GLIS3: variants seen among roughly 807,000 people sequenced by gnomAD.
GLIS3 encodes the protein zinc finger protein GLIS3.
A neutral mutation model predicts 78.6 loss-of-function variants in GLIS3; 53 were observed. The ratio of observed to expected loss-of-function variants is 0.67; its 90% CI spans 0.54 to 0.85. The LOEUF (loss-of-function observed/expected upper bound fraction) is 0.85, where lower values mean the gene tolerates loss of function less well. Ranked by LOEUF, GLIS3 falls within the 40% of genes least tolerant of loss-of-function variation. GLIS3 has a pLI of 0.00. For synonymous variants in GLIS3, 684 were observed against 509.9 expected, an observed-to-expected ratio of 1.34 and a Z score of -4.60; for missense variants, 1,703 against 1,231.1, an observed-to-expected ratio of 1.38 and a Z score of -5.74.
intron 4 of GLIS3, among the ~76,000 whole-genome samples, chr9:4,048,595 T>A (rs1309062198): frequency 6.6e-6 from 1 of 152,172 alleles, no homozygotes; most frequent in Non-Finnish European, 1.5e-5. Flanking sequence ...GCCAATGACC[T>A]AATGAAGACA....
chr9:4,263,580 G>C (rs1037946754), intron 2 of GLIS3, among the ~76,000 whole-genome samples: 3 of 152,020 alleles, frequency 2.0e-5, no homozygotes, highest in East Asian at 1.9e-4. Context: ...TCATTCTACA[G>C]ATGTTTTAAA....
the GLIS3 span, among the ~76,000 whole-genome samples, chr9:4,426,843 C>G: frequency 6.6e-6 from 1 of 152,158 alleles, no homozygotes; most frequent in Admixed American, 6.5e-5. Context: ...ATCAAATGAC[C>G]TGATCCAAGT....
intron 3 of GLIS3, 144 bp downstream of exon 3, chr9:4,125,590 C>A: frequency 1.4e-6 from 1 of 729,070 alleles, no homozygotes; most frequent in South Asian, 1.5e-5. Context: ...TATTCCCCTA[C>A]AAACCTCAAA....
chr9:4,447,986 A>G, the GLIS3 span, among the ~76,000 whole-genome samples: 1 of 152,170 alleles, frequency 6.6e-6, no homozygotes, highest in Non-Finnish European at 1.5e-5. Context: ...TCTTGGGTTT[A>G]AGCAGTCCTC....
intron 2 of GLIS3, among the ~76,000 whole-genome samples, chr9:4,127,959 G>A (rs1418681954): frequency 6.6e-6 from 1 of 152,086 alleles, no homozygotes; most frequent in Admixed American, 6.6e-5. Flanking sequence ...AAACTAAAAT[G>A]GCACATATTG....
intron 4 of GLIS3, among the ~76,000 whole-genome samples, chr9:4,002,158 G>C (rs1188370760): frequency 2.0e-5 from 3 of 152,208 alleles, no homozygotes; most frequent in African/African-American, 7.2e-5. Flanking sequence ...AGATCATTGA[G>C]TAGTAGGAGA....
At chr9:4,307,186 A>AGAG (rs1206762031) in intron 4 of GLIS3, among the ~76,000 whole-genome samples, 1 of 152,034 alleles carries the variant, frequency 6.6e-6, no homozygotes. Flanking sequence ...GGTGGAGGTG[A>AGAG]GAGGAGGACG....
intron 4 of GLIS3, among the ~76,000 whole-genome samples, chr9:4,007,767 T>C (rs571763340): frequency 9.2e-5 from 14 of 151,940 alleles, no homozygotes; most frequent in Non-Finnish European, 1.8e-4. Flanking sequence ...CTGGAGCACA[T>C]AAATCAAGAA....
intron 2 of GLIS3, among the ~76,000 whole-genome samples, chr9:4,159,345 C>G (rs1835294934): frequency 6.6e-6 from 1 of 152,188 alleles, no homozygotes; most frequent in Non-Finnish European, 1.5e-5. Context: ...TGATCATGTT[C>G]TACCCTTTCT....
At chr9:4,194,566 T>C (rs1425109860) in intron 2 of GLIS3, among the ~76,000 whole-genome samples, 1 of 152,124 alleles carries the variant, frequency 6.6e-6, no homozygotes, top group Non-Finnish European at 1.5e-5. Context: ...AAAGAGTGCA[T>C]AAAGATGAAC....
rs527973762 is a variant in GLIS3 at position 4,058,704 on chromosome 9, A to G, written c.1710+59064T>C. 2.0e-5 allele frequency among the ~76,000 whole-genome samples: 3 copies of G among 152,252 alleles called. No individual in the cohort carries two copies. The South Asian group carries it at 6.2e-4, about 32-fold the overall frequency. On this transcript the variant is annotated intron_variant, in intron 4 of 10. Transcript: ENST00000381971. ...AATATTTTGTGTAAAAGAACCATAG[A>G]GTGCGGTAGCTCAAGCCTGTAATCC... is the stretch of plus-strand genomic sequence containing the variant.
chr9:4,471,594 C>G, the GLIS3 span, among the ~76,000 whole-genome samples: 2 of 152,238 alleles, frequency 1.3e-5, no homozygotes. Context: ...ACACCCTATA[C>G]AAAAATTAAT....
chr9:4,433,937 A>G, the GLIS3 span, among the ~76,000 whole-genome samples: 1 of 152,242 alleles, frequency 6.6e-6, no homozygotes, highest in East Asian at 1.9e-4. Context: ...TCTACTAAAA[A>G]TACAAAAAAT....
Position 4,317,134 on chromosome 9 carries a change from A to G in GLIS3, n.265-6606T>C, listed in dbSNP as rs74932535. On this transcript the variant is annotated intron_variant and non_coding_transcript_variant, in intron 2 of 4. Coordinates refer to the GLIS3 transcript ENST00000471664. ...ATTGGCTAAGAAAAAGAAAGAATGT[A>G]TTCAGTGCCTTTCGACTGCAAGGTT... Among the ~76,000 whole-genome samples, 148 of 152,338 alleles carry G rather than the reference A, an allele frequency of 9.7e-4. 1 individual carries two copies. In the East Asian group the frequency reaches 0.023, roughly 23 times the overall value.
At chr9:4,017,503 A>C (rs1386357371) in intron 4 of GLIS3, among the ~76,000 whole-genome samples, 2 of 152,208 alleles carry the variant, frequency 1.3e-5, no homozygotes, top group African/African-American at 4.8e-5. Context: ...TGAGGGATAG[A>C]AACCAGGCAA....
intron 2 of GLIS3, among the ~76,000 whole-genome samples, chr9:4,216,390 G>T (rs966182309): frequency 6.6e-5 from 10 of 150,844 alleles, no homozygotes; most frequent in Admixed American, 6.6e-5. Context: ...GGAGAATGGC[G>T]TGAGCTTGCA....
upstream of GLIS3, among the ~76,000 whole-genome samples, chr9:4,349,387 TAATA>T (rs773518811): frequency 1.2e-4 from 18 of 152,246 alleles, no homozygotes; most frequent in African/African-American, 3.9e-4. Context: ...TATATTTACT[TAATA>T]ATTAACTGGA....
chr9:3,845,348 A>C lies in GLIS3; in HGVS notation c.2473+10661T>G, dbSNP rs192844215. Among the ~76,000 whole-genome samples, 8 of 152,306 alleles carry C rather than the reference A, an allele frequency of 5.3e-5. No homozygotes were observed. The South Asian group carries it at 8.3e-4, about 16-fold the overall frequency. ...GTGCAGAACGTGAGGCCATTTTTAT[A>C]ACAGGGCATATGGGCATATACATAG... On this transcript the variant is annotated intron_variant, in intron 9 of 10. Transcript: ENST00000381971.
intron 4 of GLIS3, among the ~76,000 whole-genome samples, chr9:4,067,972 T>C (rs556709575): frequency 6.6e-6 from 1 of 152,072 alleles, no homozygotes; most frequent in Admixed American, 6.5e-5. Flanking sequence ...GTAAAGATAA[T>C]AGAAAAAGTC....
Sources: allele counts gnomAD v4.1 joint callset (sites outside exome capture counted in the v4.1 genomes callset), GRCh38; gene constraint gnomAD v4.1.1; transcripts MANE v1.5; gene names NCBI Gene and HGNC (gene_info 2026-07-23, HGNC 2026-07-21).